The following FRMD4A variants were observed in gnomAD, a reference collection of about 807,000 sequenced individuals.
The protein encoded by FRMD4A is FERM domain containing 4A.
Under a neutral mutation model 129.1 loss-of-function variants are expected in FRMD4A, and 29 were observed. The observed-to-expected ratio is 0.22, with a 90% CI of 0.17 to 0.31. The LOEUF is 0.31. Among genes scored for constraint, FRMD4A ranks in the 10% least tolerant of loss-of-function variants. The pLI, the probability that FRMD4A is intolerant of heterozygous loss-of-function variation, is 1.00. For missense variants in FRMD4A, 1,272 were observed against 1,375.8 expected (o/e 0.92, Z 1.19); for synonymous variants, 634 against 571.6 (o/e 1.11, Z -1.56).
chr10:14,265,896 T>C (rs4636552), intron 2 of FRMD4A, among the ~76,000 whole-genome samples: 9,761 of 152,214 alleles, frequency 0.064, 394 homozygotes, highest in Non-Finnish European at 0.089. Flanking sequence ...CATCACACCC[T>C]CTTTGTGTTG....
At chr10:13,738,979 A>G (rs979054210) in intron 11 of FRMD4A, among the ~76,000 whole-genome samples, 1 of 152,150 alleles carries the variant, frequency 6.6e-6, no homozygotes, top group African/African-American at 2.4e-5. Flanking sequence ...TTCTATATTC[A>G]AATAGGATGA....
intron 12 of FRMD4A, among the ~76,000 whole-genome samples, chr10:13,719,035 G>T (rs2089155311): frequency 6.6e-6 from 1 of 152,220 alleles, no homozygotes; most frequent in African/African-American, 2.4e-5. Flanking sequence ...GAAGTTCAGA[G>T]AGGTTAAGTC....
At chr10:14,034,083 C>A (rs978397050) in intron 2 of FRMD4A, among the ~76,000 whole-genome samples, 1 of 152,170 alleles carries the variant, frequency 6.6e-6, no homozygotes, top group African/African-American at 2.4e-5. Context: ...CTACATTCCC[C>A]AATAGCAAGA....
intron 19 of FRMD4A, among the ~76,000 whole-genome samples, chr10:13,662,371 A>G (rs1327759295): frequency 1.3e-5 from 2 of 152,218 alleles, no homozygotes; most frequent in Non-Finnish European, 2.9e-5. Flanking sequence ...TATCATTATT[A>G]CTATGACTAG....
chr10:14,204,655 C>A (rs890049611), intron 2 of FRMD4A, among the ~76,000 whole-genome samples: 10 of 151,940 alleles, frequency 6.6e-5, no homozygotes, highest in East Asian at 1.9e-4. Context: ...TTTGCAGGAC[C>A]CTCTCTTTTT....
intron 2 of FRMD4A, among the ~76,000 whole-genome samples, chr10:14,129,461 AAGATCAC>A (rs200322438): frequency 0.04 from 5,835 of 147,124 alleles, 218 homozygotes; most frequent in Admixed American, 0.12. Flanking sequence ...AAACGAGCTT[AAGATCAC>A]AGATCACAGA....
intron 2 of FRMD4A, among the ~76,000 whole-genome samples, chr10:14,263,785 C>G (rs73601291): frequency 0.013 from 2,051 of 152,282 alleles, 50 homozygotes; most frequent in African/African-American, 0.047. Context: ...TCGGTTTTCA[C>G]TGCGACTGGC....
chr10:13,660,101 G>A (rs2082516418), intron 20 of FRMD4A, among the ~76,000 whole-genome samples: 1 of 152,156 alleles, frequency 6.6e-6, no homozygotes, highest in Non-Finnish European at 1.5e-5. Context: ...GTTGATTGTG[G>A]GCCAAAGCCC....
At position 13,917,717 on chromosome 10, in the gene FRMD4A, C is replaced by T. The variant is rs182396619; in HGVS notation, c.46-58805G>A. Among the ~76,000 whole-genome samples the T allele has an allele frequency of 5.9e-5, 9 of 152,310 alleles. No homozygotes were observed. In the East Asian group the frequency reaches 1.7e-3, roughly 29 times the overall value. The stretch of plus-strand genomic sequence containing the variant: ...ACCAAGCAGGACACAAACCCAACAG[C>T]TCACCCTTTCTCATTCCCCAGTTGG... On this transcript the variant is annotated intron_variant, in intron 2 of 24. Coordinates refer to ENST00000357447, the MANE Select transcript of FRMD4A (RefSeq NM_018027.5).
At chr10:13,719,177 T>A (rs1004687153) in intron 12 of FRMD4A, among the ~76,000 whole-genome samples, 1 of 152,094 alleles carries the variant, frequency 6.6e-6, no homozygotes, top group Non-Finnish European at 1.5e-5. Context: ...TTGTTAAAAA[T>A]ACATTTCTAA....
At chr10:13,983,384 G>C (rs1482589502) in intron 2 of FRMD4A, among the ~76,000 whole-genome samples, 1 of 151,788 alleles carries the variant, frequency 6.6e-6, no homozygotes, top group Admixed American at 6.6e-5. Context: ...GCCCTTTAAC[G>C]CTTCAATAGA....
chr10:13,967,341 A>G (rs1051080778), intron 2 of FRMD4A, among the ~76,000 whole-genome samples: 1 of 147,720 alleles, frequency 6.8e-6, no homozygotes, highest in Non-Finnish European at 1.5e-5. Context: ...CGTCTCAAAG[A>G]AAAAAAAAAA....
chr10:14,224,469 C>T (rs1843369548), intron 2 of FRMD4A, among the ~76,000 whole-genome samples: 1 of 152,200 alleles, frequency 6.6e-6, no homozygotes, highest in South Asian at 2.1e-4. Flanking sequence ...CCTACTCATA[C>T]TGGGCAGAAA....
At chr10:14,099,618 A>T (rs561094845) in intron 2 of FRMD4A, among the ~76,000 whole-genome samples, 3 of 152,130 alleles carry the variant, frequency 2.0e-5, no homozygotes, top group African/African-American at 4.8e-5. Flanking sequence ...TTTGGTTGAT[A>T]AAAAAAAGCA....
intron 2 of FRMD4A, among the ~76,000 whole-genome samples, chr10:14,128,399 C>A (rs1839044951): frequency 6.6e-6 from 1 of 152,152 alleles, no homozygotes; most frequent in Admixed American, 6.5e-5. Flanking sequence ...CCACCCCGCC[C>A]AGCATATTTT....
chr10:14,113,145 T>C (rs1197754411), intron 2 of FRMD4A, among the ~76,000 whole-genome samples: 1 of 152,224 alleles, frequency 6.6e-6, no homozygotes, highest in Non-Finnish European at 1.5e-5. Flanking sequence ...TCATCATTAT[T>C]ATTGTATTTT....
At chr10:13,785,313 G>A (rs1266145287) in intron 5 of FRMD4A, among the ~76,000 whole-genome samples, 1 of 152,106 alleles carries the variant, frequency 6.6e-6, no homozygotes, top group Non-Finnish European at 1.5e-5. Context: ...ACAAAATTTG[G>A]AGGAATTACG....
Position 14,245,958 on chromosome 10 carries a change from A to G in FRMD4A, c.45+84100T>C, listed in dbSNP as rs557002519. On this transcript the variant is annotated intron_variant, in intron 2 of 24. Transcript: ENST00000357447. Reference sequence around the variant, plus strand: ...GGGCCACTTAGCCGGCTGTGCCTGAAAGAGGACACAGCAGCACAGCAGCCA... The same window carrying G: ...GGGCCACTTAGCCGGCTGTGCCTGAGAGAGGACACAGCAGCACAGCAGCCA... Among the ~76,000 whole-genome samples the G allele has an allele frequency of 2.0e-5, 3 of 152,332 alleles. No individual in the cohort carries two copies. The South Asian group carries it at 6.2e-4, about 32-fold the overall frequency.
chr10:14,004,151 T>C (rs2095652991), intron 2 of FRMD4A, among the ~76,000 whole-genome samples: 1 of 152,224 alleles, frequency 6.6e-6, no homozygotes, highest in Admixed American at 6.5e-5. Flanking sequence ...CACGACACAA[T>C]ATACTGCTTG....
Sources: gnomAD v4.1 joint callset for allele counts (sites outside exome capture counted in the v4.1 genomes callset) on GRCh38, gnomAD v4.1.1 for gene constraint, MANE v1.5 for transcripts, NCBI Gene and HGNC (gene_info 2026-07-23, HGNC 2026-07-21) for gene names.